The following GRID2IP variants were observed in gnomAD, a reference collection of about 807,000 sequenced individuals.
The protein encoded by GRID2IP is Grid2 interacting protein.
A neutral mutation model predicts 114.3 loss-of-function variants in GRID2IP; 78 were observed. The observed-to-expected ratio is 0.68, with a 90% CI of 0.57 to 0.82. The LOEUF (loss-of-function observed/expected upper bound fraction) is 0.82, where lower values mean the gene tolerates loss of function less well. Among genes scored for constraint, GRID2IP ranks in the 40% least tolerant of loss-of-function variants. The probability of loss-of-function intolerance (pLI) is 0.00; values close to 1 mark genes in which losing one functional copy is unlikely to be tolerated. For missense variants in GRID2IP, 1,727 were observed against 1,678.5 expected (o/e 1.03, Z -0.51); for synonymous variants, 809 against 724.0 (o/e 1.12, Z -1.89).
intron 15 of GRID2IP, among the ~76,000 whole-genome samples, chr7:6,504,222 G>A (rs1178811565): frequency 2.7e-5 from 4 of 150,590 alleles, no homozygotes; most frequent in Non-Finnish European, 5.9e-5. Flanking sequence ...ACTGTGAGGA[G>A]CCTGGCGGGT....
At chr7:6,511,423 A>G (rs540710036) in intron 8 of GRID2IP, among the ~76,000 whole-genome samples, 9 of 152,054 alleles carry the variant, frequency 5.9e-5, no homozygotes, top group Non-Finnish European at 8.8e-5. Flanking sequence ...CCCAGGTGGG[A>G]GTGCAGTGGT....
At position 6,532,219 on chromosome 7, in the gene GRID2IP, A is replaced by C. The variant is rs995923389; in HGVS notation, c.585-5450T>G. On this transcript the variant is annotated intron_variant, in intron 2 of 21. Transcript: ENST00000457091. The surrounding 1 kb of genome is among the most constrained non-coding windows in gnomAD (Gnocchi z 4.4). The stretch of plus-strand genomic sequence containing the variant: ...GGCCCAGAATCAGGCCTGAGGAACA[A>C]ATGAGAGTTGGGGTAACCAGTTCAA... Among the ~76,000 whole-genome samples the C allele has an allele frequency of 8.6e-5, 13 of 151,998 alleles. No individual in the cohort carries two copies. The highest frequency in any genetic ancestry group is 2.7e-4 in the African/African-American group (11 of 41,396).
At chr7:6,524,450 A>C (rs1290329986) in intron 4 of GRID2IP, among the ~76,000 whole-genome samples, 1 of 152,144 alleles carries the variant, frequency 6.6e-6, no homozygotes, top group East Asian at 1.9e-4. Flanking sequence ...TCTAGGAGAC[A>C]CTTCTGCCCT....
chr7:6,503,073 G>C lies in GRID2IP; in HGVS notation c.2998C>G (p.Leu1000Val). 2 of 1,551,572 alleles carry C rather than the reference G, an allele frequency of 1.3e-6. No individual in the cohort carries two copies. Among genetic ancestry groups the C allele is most frequent in the Non-Finnish European group, 1.7e-6 (2 of 1,146,948 alleles). ...QEKTEEIRGS[L>V]ECLRQASLEL... ...AGGGAGGCCTGGCGCAAGCATTCAA[G>C]GCTGCCTCGGATCTCCTCTGTCTTC... The change falls in exon 17 of 22, where the codon CTT becomes GTT. Residue 1000 changes from leucine (L) to valine (V), a missense_variant. Coordinates refer to ENST00000457091, the MANE Select transcript of GRID2IP (RefSeq NM_001145118.2).
At chr7:6,514,654 C>CTGTGGGTGA in intron 7 of GRID2IP, 125 bp from the exon 8 acceptor site, 1 of 828,194 alleles carries the variant, frequency 1.2e-6, no homozygotes, top group Non-Finnish European at 1.7e-6. Context: ...CCCTACCCTT[C>CTGTGGGTGA]AAAGACAGAA....
Position 6,520,719 on chromosome 7 carries a change from G to A in GRID2IP, c.1127C>T (p.Thr376Ile), listed in dbSNP as rs1358249298. The change falls in exon 7 of 22, where the codon ACC becomes ATC. Residue 376 changes from threonine to isoleucine, a missense_variant. Coordinates refer to ENST00000457091, the MANE Select transcript of GRID2IP (RefSeq NM_001145118.2). The surrounding 1 kb of genome is among the most constrained non-coding windows in gnomAD (Gnocchi z 4.6). ...LDSPNPSSAL[T>I]SLQWVAEILP... ...GATCTCCGCCACCCACTGCAGGGAG[G>A]TGAGCGCCGACGACGGGTTGGGTGA... is the stretch of plus-strand genomic sequence containing the variant. 3 of 1,551,682 alleles carry A rather than the reference G, an allele frequency of 1.9e-6. No individual in the cohort carries two copies. Among genetic ancestry groups the A allele is most frequent in the Non-Finnish European group, 2.6e-6 (3 of 1,146,972 alleles).
In GRID2IP at chr7:6,503,598, G is replaced by C. The variant is rs1414443360; in HGVS notation, c.2800C>G (p.Leu934Val). 3.3e-6 allele frequency: 5 copies of C among 1,529,534 alleles called. No individual in the cohort carries two copies. Among genetic ancestry groups the C allele is most frequent in the Non-Finnish European group, 3.5e-6 (4 of 1,144,530 alleles). 94.7% of individuals were successfully genotyped at this position (1,529,534 alleles called of 1,614,324 possible). A position where few individuals can be genotyped will look rare whatever the true frequency, so the allele number is the denominator to read the frequency against. Residue 934 changes from leucine (L) to valine (V), a missense_variant, in exon 16 of 22, where the codon CTC becomes GTC. Coordinates refer to ENST00000457091, the MANE Select transcript of GRID2IP (RefSeq NM_001145118.2). ...GGCGCGAAGAGCAGCAGCTGCGCGAGATGTGCGGGCTCCAGGCGCCGGGGC... is the reference window on the plus strand; with the variant it reads ...GGCGCGAAGAGCAGCAGCTGCGCGACATGTGCGGGCTCCAGGCGCCGGGGC... ...MEPRRLEPAH[L>V]AQLLLFAPDA... is the part of the protein sequence containing the mutation.
intron 1 of GRID2IP, among the ~76,000 whole-genome samples, chr7:6,542,744 T>C (rs1162887546): frequency 6.6e-6 from 1 of 152,130 alleles, no homozygotes; most frequent in Non-Finnish European, 1.5e-5. Context: ...ATGAAATTGT[T>C]TGAAAATGGA....
intron 19 of GRID2IP, 36 bp from the exon 20 acceptor site, chr7:6,501,935 T>C (rs1235178096): frequency 1.3e-6 from 2 of 1,550,146 alleles, no homozygotes; most frequent in East Asian, 2.4e-5. Context: ...ATGGGGCCAC[T>C]CTCCCAGCCC....
At chr7:6,500,273 C>T (rs1786375126) in intron 20 of GRID2IP, among the ~76,000 whole-genome samples, 1 of 151,896 alleles carries the variant, frequency 6.6e-6, no homozygotes, top group African/African-American at 2.4e-5. Flanking sequence ...ACCAGCCTGA[C>T]TAACATAGTG....
At chr7:6,512,032 C>A (rs559179303) in intron 8 of GRID2IP, among the ~76,000 whole-genome samples, 1 of 151,770 alleles carries the variant, frequency 6.6e-6, no homozygotes, top group Admixed American at 6.6e-5. Flanking sequence ...CTCAGCTTCC[C>A]AAGTAGCTGG....
intron 8 of GRID2IP, 49 bp from the exon 9 acceptor site, chr7:6,511,088 C>A (rs1421428418): frequency 1.5e-6 from 2 of 1,345,408 alleles, no homozygotes; most frequent in African/African-American, 1.5e-5. Flanking sequence ...CTCAGCCAGA[C>A]AAGGGACCTC....
chr7:6,548,517 C>T (rs1459535734), intron 1 of GRID2IP, among the ~76,000 whole-genome samples: 1 of 151,862 alleles, frequency 6.6e-6, no homozygotes, highest in East Asian at 1.9e-4. Context: ...GTATTAGGTA[C>T]CCACAAAAAT....
rs760941627 is a variant in GRID2IP at position 6,521,355 on chromosome 7, T to A, written c.1084+74A>T. 32 of 1,095,792 alleles carry A rather than the reference T, an allele frequency of 2.9e-5. No homozygotes were observed. Among genetic ancestry groups the A allele is most frequent in the Non-Finnish European group, 3.9e-5 (30 of 763,574 alleles). The allele number at this position is 1,095,792 out of a possible 1,614,324, so 67.9% of individuals were successfully genotyped here. The stretch of plus-strand genomic sequence containing the variant: ...AGGGGAAGAGCTGAGTCCTCCGCAC[T>A]GTGACTCTCACATATAGCAGCCTGG... On this transcript the variant is annotated intron_variant, in intron 6 of 21. Transcript: ENST00000457091. The surrounding 1 kb of genome is among the most constrained non-coding windows in gnomAD (Gnocchi z 4.1).
Position 6,521,995 on chromosome 7 carries a change from C to T in GRID2IP, c.920-38G>A, listed in dbSNP as rs1412189301. The T allele has an allele frequency of 6.7e-7, 1 of 1,490,952 alleles. No homozygotes were observed. Among genetic ancestry groups the T allele is most frequent in the Non-Finnish European group, 9.2e-7 (1 of 1,092,278 alleles). 92.4% of individuals were successfully genotyped at this position (1,490,952 alleles called of 1,614,324 possible). On this transcript the variant is annotated intron_variant, in intron 4 of 21. Transcript: ENST00000457091. The surrounding 1 kb of genome is among the most constrained non-coding windows in gnomAD (Gnocchi z 4.1). ...AGAGAGGGTGTGCCGGTCAGCTGGG[C>T]AGGGTACCACTTTGAGAGCAGGATG...
intron 1 of GRID2IP, among the ~76,000 whole-genome samples, chr7:6,548,688 A>G (rs562025341): frequency 2.0e-5 from 3 of 151,934 alleles, no homozygotes; most frequent in Non-Finnish European, 2.9e-5. Context: ...ATACAGAAAA[A>G]AAAAATAGCT....
rs1786268622 is a variant in GRID2IP at position 6,496,836 on chromosome 7, A to ACCCT, written c.*934_*937dup. 6.6e-6 allele frequency among the ~76,000 whole-genome samples: 1 copy of ACCCT among 150,712 alleles called. No homozygotes were observed. The highest frequency in any genetic ancestry group is 1.5e-5 in the Non-Finnish European group (1 of 67,782). ...TTAAAAAAGGTGAAACAGTTCACAC[A>ACCCT]CCCTCCCTCCCTGCCCACCACGCCA... On this transcript the variant is annotated 3_prime_UTR_variant, in exon 22 of 22. Coordinates refer to ENST00000457091, the MANE Select transcript of GRID2IP (RefSeq NM_001145118.2).
intron 1 of GRID2IP, among the ~76,000 whole-genome samples, chr7:6,547,863 C>T (rs1373977702): frequency 6.6e-6 from 1 of 152,152 alleles, no homozygotes; most frequent in East Asian, 1.9e-4. Context: ...GGACCTGATG[C>T]CTGGGCAGTG....
At chr7:6,499,137 T>C (rs1174553814) in intron 20 of GRID2IP, among the ~76,000 whole-genome samples, 1 of 152,172 alleles carries the variant, frequency 6.6e-6, no homozygotes, top group African/African-American at 2.4e-5. Flanking sequence ...GTAGATTATC[T>C]CTATTTTACA....
Sources: allele counts gnomAD v4.1 joint callset (sites outside exome capture counted in the v4.1 genomes callset), GRCh38; gene constraint gnomAD v4.1.1; non-coding constraint Gnocchi (gnomAD v3.1); transcripts MANE v1.5; gene names NCBI Gene and HGNC (gene_info 2026-07-23, HGNC 2026-07-21).